ERBB4: variants seen among roughly 807,000 people sequenced by gnomAD.
The protein encoded by ERBB4 is receptor tyrosine-protein kinase erbB-4.
Under a neutral mutation model 158.0 loss-of-function variants are expected in ERBB4, and 42 were observed. The observed-to-expected ratio is 0.27, with a 90% CI of 0.21 to 0.34. ERBB4 has a LOEUF of 0.34. Ranked by LOEUF, ERBB4 falls within the 10% of genes least tolerant of loss-of-function variation. The pLI is 1.00. For missense variants in ERBB4, 1,333 were observed against 1,624.1 expected (o/e 0.82, Z 3.08); for synonymous variants, 583 against 558.7 (o/e 1.04, Z -0.61).
chr2:212,295,323 A>G (rs2106191967), intron 1 of ERBB4, among the ~76,000 whole-genome samples: 1 of 152,184 alleles, frequency 6.6e-6, no homozygotes, highest in African/African-American at 2.4e-5. Flanking sequence ...CAAAACCACA[A>G]AAAATGAAGA....
intron 2 of ERBB4, among the ~76,000 whole-genome samples, chr2:212,066,560 T>C (rs1208038512): frequency 6.6e-6 from 1 of 152,022 alleles, no homozygotes; most frequent in Non-Finnish European, 1.5e-5. Flanking sequence ...TGTTTCAGAA[T>C]TATATAAAGT....
chr2:212,481,562 C>A lies in ERBB4; in HGVS notation c.82+56887G>T, dbSNP rs562557146. Among the ~76,000 whole-genome samples, 87 of 152,178 alleles carry A rather than the reference C, an allele frequency of 5.7e-4. 2 individuals carry two copies. The South Asian group carries it at 0.018, about 31-fold the overall frequency. On this transcript the variant is annotated intron_variant, in intron 1 of 27. Transcript: ENST00000342788. The stretch of plus-strand genomic sequence containing the variant: ...ATTTCTCTAATACCAAGTATGTGAC[C>A]AATGGGAAATGTACCCCTTGAGCTC...
chr2:212,166,068 A>C (rs886732090), intron 1 of ERBB4, among the ~76,000 whole-genome samples: 1 of 150,188 alleles, frequency 6.7e-6, no homozygotes. Flanking sequence ...TTTTTTTTTC[A>C]AATTCTATTT....
At chr2:211,922,740 T>C (rs2125080711) in intron 3 of ERBB4, among the ~76,000 whole-genome samples, 1 of 152,242 alleles carries the variant, frequency 6.6e-6, no homozygotes, top group East Asian at 1.9e-4. Flanking sequence ...ATTTATATTA[T>C]GGGGTGGTGT....
intron 25 of ERBB4, among the ~76,000 whole-genome samples, chr2:211,419,458 C>T (rs1010844589): frequency 1.3e-5 from 2 of 151,908 alleles, no homozygotes; most frequent in Non-Finnish European, 2.9e-5. Context: ...CGGATGCTGT[C>T]GGTTCTACTA....
intron 3 of ERBB4, among the ~76,000 whole-genome samples, chr2:211,909,102 C>T (rs1305927764): frequency 2.0e-5 from 3 of 151,458 alleles, no homozygotes; most frequent in African/African-American, 7.3e-5. Flanking sequence ...TATTAATGTT[C>T]ATATATGCTT....
intron 19 of ERBB4, among the ~76,000 whole-genome samples, chr2:211,609,346 CATG>C (rs2069104045): frequency 6.6e-6 from 1 of 152,132 alleles, no homozygotes; most frequent in East Asian, 1.9e-4. Context: ...GGAAAGAATG[CATG>C]CTCAGAGAAA....
At chr2:211,556,277 G>A (rs2067235868) in intron 20 of ERBB4, among the ~76,000 whole-genome samples, 1 of 152,194 alleles carries the variant, frequency 6.6e-6, no homozygotes, top group Non-Finnish European at 1.5e-5. Flanking sequence ...GGAGCACTTA[G>A]ATTCATAAAG....
intron 2 of ERBB4, among the ~76,000 whole-genome samples, chr2:212,109,437 G>C (rs569578844): frequency 6.6e-6 from 1 of 152,090 alleles, no homozygotes; most frequent in South Asian, 2.1e-4. Context: ...AATTACTATG[G>C]TTCCCTTCAG....
intron 1 of ERBB4, among the ~76,000 whole-genome samples, chr2:212,520,339 C>A (rs1692086081): frequency 6.6e-6 from 1 of 151,918 alleles, no homozygotes; most frequent in Non-Finnish European, 1.5e-5. Flanking sequence ...ATGCCTGCAT[C>A]TAAAACACAT....
chr2:211,650,419 T>G (rs1162608132), intron 16 of ERBB4, among the ~76,000 whole-genome samples: 1 of 152,114 alleles, frequency 6.6e-6, no homozygotes, highest in African/African-American at 2.4e-5. Context: ...AGACTCAAAT[T>G]ATCATAATTT....
At chr2:212,049,462 T>C (rs1188255436) in intron 2 of ERBB4, among the ~76,000 whole-genome samples, 1 of 152,182 alleles carries the variant, frequency 6.6e-6, no homozygotes, top group Non-Finnish European at 1.5e-5. Flanking sequence ...CTCTAATCTG[T>C]TATGAGTCGG....
At chr2:211,822,430 A>C (rs192152701) in intron 3 of ERBB4, among the ~76,000 whole-genome samples, 4 of 152,190 alleles carry the variant, frequency 2.6e-5, no homozygotes, top group Admixed American at 2.6e-4. Context: ...TGTCAATTTA[A>C]CTTTTTTAAC....
chr2:211,812,685 G>A (rs974671055), intron 3 of ERBB4, among the ~76,000 whole-genome samples: 6 of 152,300 alleles, frequency 3.9e-5, no homozygotes, highest in East Asian at 1.9e-4. Flanking sequence ...CTGAGCTGCC[G>A]TGGGCTCCAT....
chr2:211,460,225 T>G (rs1250260964), intron 20 of ERBB4, among the ~76,000 whole-genome samples: 3 of 152,172 alleles, frequency 2.0e-5, no homozygotes, highest in African/African-American at 7.2e-5. Context: ...CTTCTTCGTC[T>G]GTATGTCTTT....
At chr2:212,394,828 C>T (rs1419274528) in intron 1 of ERBB4, among the ~76,000 whole-genome samples, 1 of 152,082 alleles carries the variant, frequency 6.6e-6, no homozygotes, top group Non-Finnish European at 1.5e-5. Context: ...GGAAATGACG[C>T]TGCATTTGGA....
In ERBB4 at chr2:211,656,303, T is replaced by A. The variant is rs568438835; in HGVS notation, c.1946+1451A>T. Among the ~76,000 whole-genome samples, 16 of 149,868 alleles carry A rather than the reference T, an allele frequency of 1.1e-4. No individual in the cohort carries two copies. In the South Asian group the frequency reaches 3.4e-3, roughly 31 times the overall value. ...TGTGTACTTTCACACTATATACGCT[T>A]CAATACAAGAGTTTACATTAAAAGC... On this transcript the variant is annotated intron_variant, in intron 16 of 27. Transcript: ENST00000342788.
chr2:212,364,908 TGTGTGA>T (rs2089827965), intron 1 of ERBB4, among the ~76,000 whole-genome samples: 2 of 122,546 alleles, frequency 1.6e-5, no homozygotes, highest in Non-Finnish European at 3.5e-5. Context: ...TCTGTGTGTG[TGTGTGA>T]GTGTGTGTGT....
At chr2:211,884,415 G>T (rs552327613) in intron 3 of ERBB4, among the ~76,000 whole-genome samples, 2 of 152,026 alleles carry the variant, frequency 1.3e-5, no homozygotes, top group African/African-American at 2.4e-5. Context: ...CCACGGAAAC[G>T]GCAGAAAAGT....
Sources: gnomAD v4.1 joint callset for allele counts (sites outside exome capture counted in the v4.1 genomes callset) on GRCh38, gnomAD v4.1.1 for gene constraint, MANE v1.5 for transcripts, NCBI Gene and HGNC (gene_info 2026-07-23, HGNC 2026-07-21) for gene names.